Variants in CEP57L1 observed in about 807,000 individuals in gnomAD.
CEP57L1 encodes centrosomal protein CEP57L1.
CEP57L1 carries 37 observed loss-of-function variants against 61.0 expected under a neutral mutation model. The ratio of observed to expected loss-of-function variants is 0.61; its 90% CI spans 0.47 to 0.80. The LOEUF is 0.80. Ranked by LOEUF, CEP57L1 falls within the 30% of genes least tolerant of loss-of-function variation. The pLI is 0.00. For missense variants in CEP57L1, 422 were observed against 524.7 expected (o/e 0.80, Z 1.91); for synonymous variants, 137 against 162.3 (o/e 0.84, Z 1.19).
At chr6:109,115,961 A>T (rs1415910587) in intron 1 of CEP57L1, among the ~76,000 whole-genome samples, 1 of 152,204 alleles carries the variant, frequency 6.6e-6, no homozygotes, top group Non-Finnish European at 1.5e-5. Flanking sequence ...GTAAGACTAC[A>T]TACATTTTAT....
rs1263179455 is a variant in CEP57L1 at position 109,173,399 on chromosome 6, C to T, written c.*10429C>T. On this transcript the variant is annotated 3_prime_UTR_variant, in exon 11 of 11. Coordinates refer to ENST00000517392, the MANE Select transcript of CEP57L1 (RefSeq NM_001271852.3). ...GAAGAAAGGAATCTTTCCTTTCCTTCCCCCTCAGCCCGCCCCCTACCTTTC... is the reference window on the plus strand; with the variant it reads ...GAAGAAAGGAATCTTTCCTTTCCTTTCCCCTCAGCCCGCCCCCTACCTTTC... Among the ~76,000 whole-genome samples, 1 of 150,352 alleles carries T rather than the reference C, an allele frequency of 6.7e-6. No individual in the cohort carries two copies. The highest frequency in any genetic ancestry group is 1.5e-5 in the Non-Finnish European group (1 of 67,646).
rs761099321 is a variant in CEP57L1 at position 109,162,856 on chromosome 6, C to T, written c.1269C>T (p.Pro423=). 1.2e-6 allele frequency: 2 copies of T among 1,613,152 alleles called. No individual in the cohort carries two copies. The highest frequency in any genetic ancestry group is 2.2e-5 in the South Asian group (2 of 91,040). Residue 423 remains proline, a synonymous_variant, in exon 11 of 11, where the codon CCC becomes CCT. Coordinates refer to ENST00000517392, the MANE Select transcript of CEP57L1 (RefSeq NM_001271852.3). ...PKGSKNIKNS[P]RKCLTDTNLF... ...GATCAAAGAACATAAAAAATAGCCC[C>T]AGAAAATGTTTGACTGACACTAACC...
At position 109,166,314 on chromosome 6, in the gene CEP57L1, A is replaced by G. The variant is rs1467121141; in HGVS notation, c.*3344A>G. 6.6e-6 allele frequency among the ~76,000 whole-genome samples: 1 copy of G among 150,988 alleles called. No individual in the cohort carries two copies. Among genetic ancestry groups the G allele is most frequent in the Non-Finnish European group, 1.5e-5 (1 of 67,770 alleles). On this transcript the variant is annotated 3_prime_UTR_variant, in exon 11 of 11. Transcript: ENST00000517392. ...TTTCTTACTTTATTCCTTTTTTTCT[A>G]TACCTGCCAGTAGATGTGAGAGCTT...
intron 1 of CEP57L1, among the ~76,000 whole-genome samples, chr6:109,103,894 TA>T (rs750762550): frequency 6.6e-6 from 1 of 152,102 alleles, no homozygotes; most frequent in Non-Finnish European, 1.5e-5. Flanking sequence ...TATACATATA[TA>T]GGGGTAAGAT....
At chr6:109,106,111 A>G (rs1021871908) in intron 1 of CEP57L1, 1 of 152,248 alleles carries the variant, frequency 6.6e-6, no homozygotes, top group Non-Finnish European at 1.5e-5. Context: ...TAATTATTTC[A>G]TTATGTATCA....
intron 1 of CEP57L1, among the ~76,000 whole-genome samples, chr6:109,113,855 T>C (rs1771968304): frequency 6.6e-6 from 1 of 152,210 alleles, no homozygotes; most frequent in South Asian, 2.1e-4. Flanking sequence ...AATAAGATGT[T>C]GTCCCTGCTC....
At chr6:109,140,397 TTAA>T (rs1771221481) in intron 1 of CEP57L1, 1 of 141,830 alleles carries the variant, frequency 7.1e-6, no homozygotes, top group South Asian at 2.3e-4. Flanking sequence ...ATATGTTGTA[TTAA>T]TTTTTTTTTT....
chr6:109,135,747 G>A (rs1774799016), intron 1 of CEP57L1, among the ~76,000 whole-genome samples: 1 of 152,028 alleles, frequency 6.6e-6, no homozygotes, highest in South Asian at 2.1e-4. Context: ...ATCAACAAGT[G>A]GGCAAAGGAT....
chr6:109,098,517 C>A (rs555691259), intron 1 of CEP57L1, among the ~76,000 whole-genome samples: 12 of 152,146 alleles, frequency 7.9e-5, no homozygotes, highest in Admixed American at 3.9e-4. Flanking sequence ...TCACTGCATC[C>A]TTGAACTCCT....
At chr6:109,147,075 C>CT in intron 3 of CEP57L1, 138 bp downstream of exon 3, 1 of 598,414 alleles carries the variant, frequency 1.7e-6, no homozygotes, top group Non-Finnish European at 2.7e-6. Context: ...GTTCTCAGAC[C>CT]TTTTGATATT....
chr6:109,100,045 A>G (rs1028714805), intron 1 of CEP57L1: 2 of 152,154 alleles, frequency 1.3e-5, no homozygotes, highest in African/African-American at 4.8e-5. Flanking sequence ...TGCACCGTAA[A>G]CCTTGAGTTG....
At chr6:109,122,745 T>G (rs1773117495) in intron 1 of CEP57L1, among the ~76,000 whole-genome samples, 1 of 152,076 alleles carries the variant, frequency 6.6e-6, no homozygotes. Flanking sequence ...AGGCGTAGGT[T>G]GCAGTGAGCC....
intron 1 of CEP57L1, among the ~76,000 whole-genome samples, chr6:109,141,767 TAA>T (rs1346062811): frequency 6.6e-6 from 1 of 152,004 alleles, no homozygotes; most frequent in Non-Finnish European, 1.5e-5. Context: ...CATTAAAAAA[TAA>T]AAGAGTTAGT....
intron 6 of CEP57L1, 25 bp downstream of exon 6, chr6:109,155,332 T>C: frequency 4.8e-6 from 6 of 1,247,692 alleles, no homozygotes; most frequent in Non-Finnish European, 5.6e-6. Context: ...ATATAATCTA[T>C]CACAGTAAAC....
chr6:109,101,604 GTTTTTC>G, intron 1 of CEP57L1, among the ~76,000 whole-genome samples: 1 of 149,484 alleles, frequency 6.7e-6, no homozygotes, highest in East Asian at 2.0e-4. Flanking sequence ...ACTCACAGCT[GTTTTTC>G]TTTTTCTTTT....
intron 1 of CEP57L1, among the ~76,000 whole-genome samples, chr6:109,135,646 A>C (rs1774784381): frequency 6.6e-6 from 1 of 152,184 alleles, no homozygotes; most frequent in Non-Finnish European, 1.5e-5. Flanking sequence ...AATGGGAGGA[A>C]ATTTTTGCAA....
At chr6:109,147,639 G>A (rs150576170) in intron 3 of CEP57L1, among the ~76,000 whole-genome samples, 2,152 of 152,222 alleles carry the variant, frequency 0.014, 25 homozygotes, top group Non-Finnish European at 0.02. Context: ...AAAGGGGTGA[G>A]GAAAGTAAAG....
intron 1 of CEP57L1, among the ~76,000 whole-genome samples, chr6:109,132,200 C>T (rs1449809210): frequency 6.6e-6 from 1 of 152,220 alleles, no homozygotes; most frequent in Non-Finnish European, 1.5e-5. Context: ...GAAATTTTCT[C>T]TGAAGAAAAG....
At position 109,162,589 on chromosome 6, in the gene CEP57L1, G is replaced by T. The variant is rs1021611433; in HGVS notation, c.1162-160G>T. Among the ~76,000 whole-genome samples the T allele has an allele frequency of 2.0e-5, 3 of 151,954 alleles. No homozygotes were observed. In the East Asian group the frequency reaches 5.8e-4, roughly 29 times the overall value. ...TTCTACCTGACAAGCACAGTGTTAG[G>T]CATGTAATAGATGTTCAATAAATTA... On this transcript the variant is annotated intron_variant, in intron 10 of 10. Coordinates refer to ENST00000517392, the MANE Select transcript of CEP57L1 (RefSeq NM_001271852.3).
Sources: allele counts gnomAD v4.1 joint callset (sites outside exome capture counted in the v4.1 genomes callset), GRCh38; gene constraint gnomAD v4.1.1; transcripts MANE v1.5; gene names NCBI Gene and HGNC (gene_info 2026-07-23, HGNC 2026-07-21).